DMTN: variants seen among roughly 807,000 people sequenced by gnomAD.
DMTN encodes dematin actin binding protein, also known as dematin.
A neutral mutation model predicts 59.4 loss-of-function variants in DMTN; 27 were observed. The ratio of observed to expected loss-of-function variants is 0.45; its 90% CI spans 0.33 to 0.63. DMTN has a LOEUF of 0.63. Ranked by LOEUF, DMTN falls within the 20% of genes least tolerant of loss-of-function variation. The pLI is 0.02. For missense variants in DMTN, 451 were observed against 528.9 expected, an observed-to-expected ratio of 0.85 and a Z score of 1.45; for synonymous variants, 221 against 203.7, an observed-to-expected ratio of 1.08 and a Z score of -0.72.
chr8:22,065,432 C>T (rs1026595044), intron 1 of DMTN, among the ~76,000 whole-genome samples: 1 of 152,178 alleles, frequency 6.6e-6, no homozygotes, highest in African/African-American at 2.4e-5. Context: ...AAGGGTTGAT[C>T]CATGAGGACT....
chr8:22,072,323 T>C lies in DMTN; in HGVS notation c.605-3T>C. The stretch of plus-strand genomic sequence containing the variant: ...CCTCCCCACCTTTGCTTGTGTCTCC[T>C]AGAGACAGAATGGAGGAAGCGGAAG... On this transcript the variant is annotated splice_region_variant and splice_polypyrimidine_tract_variant and intron_variant, in intron 8 of 15. Transcript: ENST00000358242. 6.3e-7 allele frequency: 1 copy of C among 1,596,746 alleles called. No homozygotes were observed. The highest frequency in any genetic ancestry group is 1.1e-5 in the South Asian group (1 of 88,552).
intron 6 of DMTN, 115 bp from the exon 7 acceptor site, chr8:22,069,766 C>T (rs1813771197): frequency 7.8e-7 from 1 of 1,279,308 alleles, no homozygotes; most frequent in Non-Finnish European, 1.1e-6. Flanking sequence ...TGTCTTGGCT[C>T]TTGACAGGGG....
At chr8:22,068,866 G>A in intron 4 of DMTN, 150 bp from the exon 5 acceptor site, 1 of 922,568 alleles carries the variant, frequency 1.1e-6, no homozygotes, top group Non-Finnish European at 1.8e-6. Context: ...GCAGGGAACT[G>A]TGGGAAGGAT....
chr8:22,056,696 G>A (rs1056429347), upstream of DMTN, among the ~76,000 whole-genome samples: 1 of 152,186 alleles, frequency 6.6e-6, no homozygotes, highest in African/African-American at 2.4e-5. Flanking sequence ...TGCAGCGCTG[G>A]TGGAAGAGCG....
chr8:22,081,366 AG>A lies in DMTN; in HGVS notation c.1123del (p.Asp375ThrfsTer71). 1 of 1,613,992 alleles carries A rather than the reference AG, an allele frequency of 6.2e-7. No individual in the cohort carries two copies. The highest frequency in any genetic ancestry group is 1.1e-5 in the South Asian group (1 of 91,082). ...RMRLERHLSA[E>X]DFSRVFAMSP... ...CCCATGTAGAGGCATCTGTCTGCCG[AG>A]GACTTCTCAAGGGTATTTGCCATGT... On this transcript the variant is annotated frameshift_variant, in exon 16 of 16. Transcript: ENST00000358242. LOFTEE classifies it high-confidence loss of function.
At chr8:22,050,440 C>T (rs1414573450), upstream of DMTN, among the ~76,000 whole-genome samples, 2 of 152,196 alleles carry the variant, frequency 1.3e-5, no homozygotes, top group African/African-American at 4.8e-5. Flanking sequence ...CCACCCCTGC[C>T]CCTCCCTCGC....
upstream of DMTN, among the ~76,000 whole-genome samples, chr8:22,049,846 C>T (rs1801163371): frequency 6.6e-6 from 1 of 152,176 alleles, no homozygotes. Context: ...CACATCCCTT[C>T]TCCTCTCTGC....
intron 4 of DMTN, 131 bp downstream of exon 4, chr8:22,067,813 G>A: frequency 5.5e-6 from 6 of 1,093,372 alleles, no homozygotes; most frequent in South Asian, 1.6e-5. Context: ...ACTGTGCGCA[G>A]GAACCAACCA....
chr8:22,075,150 G>C (rs1187515091), intron 10 of DMTN, among the ~76,000 whole-genome samples: 2 of 145,954 alleles, frequency 1.4e-5, no homozygotes, highest in African/African-American at 2.5e-5. Context: ...TGGAGCCACT[G>C]CACTCCAGCC....
chr8:22,072,740 G>T (rs1379414943), intron 9 of DMTN, among the ~76,000 whole-genome samples: 5 of 151,360 alleles, frequency 3.3e-5, no homozygotes, highest in Non-Finnish European at 5.9e-5. Flanking sequence ...CTCCCAAAGT[G>T]CTTGAATTAC....
intron 9 of DMTN, among the ~76,000 whole-genome samples, chr8:22,072,769 C>T (rs10091692): frequency 0.76 from 114,938 of 151,902 alleles, 44,469 homozygotes; most frequent in East Asian, 0.97. Flanking sequence ...GCCACTATGC[C>T]CAGCCCACCC....
intron 10 of DMTN, among the ~76,000 whole-genome samples, chr8:22,074,654 G>A (rs926340758): frequency 6.6e-6 from 1 of 152,218 alleles, no homozygotes; most frequent in African/African-American, 2.4e-5. Flanking sequence ...TGGGAATGGT[G>A]TGGGAGCGAA....
upstream of DMTN, among the ~76,000 whole-genome samples, chr8:22,051,551 C>A (rs530102644): frequency 1.1e-4 from 16 of 152,152 alleles, no homozygotes; most frequent in Admixed American, 1.0e-3. Flanking sequence ...CCCCACCCCC[C>A]TCGGCCTGCC....
Position 22,080,611 on chromosome 8 carries a change from C to A in DMTN, c.950-7C>A. The A allele has an allele frequency of 6.2e-7, 1 of 1,608,610 alleles. No individual in the cohort carries two copies. The highest frequency in any genetic ancestry group is 1.3e-5 in the African/African-American group (1 of 74,962). On this transcript the variant is annotated splice_region_variant and splice_polypyrimidine_tract_variant and intron_variant, in intron 12 of 15. Coordinates refer to ENST00000358242, the MANE Select transcript of DMTN (RefSeq NM_001387751.1). Reference sequence around the variant, plus strand: ...TGCATCTGACCCATGCCCCTTCTCTCCCGCAGGCCTGCAGGTGAGTGCCTC... The same window carrying A: ...TGCATCTGACCCATGCCCCTTCTCTACCGCAGGCCTGCAGGTGAGTGCCTC...
intron 10 of DMTN, among the ~76,000 whole-genome samples, chr8:22,074,376 C>G (rs944729757): frequency 6.6e-6 from 1 of 152,226 alleles, no homozygotes; most frequent in African/African-American, 2.4e-5. Context: ...CAGGCTCAAG[C>G]AATCCTCCTA....
At chr8:22,078,729 T>C (rs933752194) in intron 10 of DMTN, among the ~76,000 whole-genome samples, 1 of 151,810 alleles carries the variant, frequency 6.6e-6, no homozygotes, top group Non-Finnish European at 1.5e-5. Context: ...TGTGAAGTTG[T>C]TGACTGCTGG....
chr8:22,079,910 C>T (rs62493992), intron 10 of DMTN, among the ~76,000 whole-genome samples: 1 of 152,128 alleles, frequency 6.6e-6, no homozygotes, highest in African/African-American at 2.4e-5. Flanking sequence ...ACTCAATTTT[C>T]ACATCAGGCA....
chr8:22,072,289 G>A (rs765640167), intron 8 of DMTN, 37 bp from the exon 9 acceptor site: 31 of 1,575,322 alleles, frequency 2.0e-5, no homozygotes, highest in South Asian at 1.5e-4. Context: ...ACCCCATGGC[G>A]AGTGACTCCC....
chr8:22,080,189 A>G lies in DMTN; in HGVS notation c.845A>G (p.Gln282Arg). 6.2e-7 allele frequency: 1 copy of G among 1,614,184 alleles called. No homozygotes were observed. Among genetic ancestry groups the G allele is most frequent in the Non-Finnish European group, 8.5e-7 (1 of 1,180,024 alleles). ...TTTTGCTGTCTTCCAGCCTTGCACC[A>G]GGGAACGTCTAAATCTTCCTCTCTC... ...DRTPFHTSLH[Q>R]GTSKSSSLPA... The change falls in exon 11 of 16, where the codon CAG (glutamine) becomes CGG (arginine). Residue 282 changes from glutamine (Q) to arginine (R), a missense_variant. Coordinates refer to ENST00000358242, the MANE Select transcript of DMTN (RefSeq NM_001387751.1).
Sources: gnomAD v4.1 joint callset for allele counts (sites outside exome capture counted in the v4.1 genomes callset) on GRCh38, gnomAD v4.1.1 for gene constraint, MANE v1.5 for transcripts, NCBI Gene and HGNC (gene_info 2026-07-23, HGNC 2026-07-21) for gene names.